Variants in ZNF609 observed in about 807,000 individuals in gnomAD.
ZNF609 encodes zinc finger protein 609.
A neutral mutation model predicts 109.5 loss-of-function variants in ZNF609; 11 were observed. The observed-to-expected ratio is 0.10, with a 90% CI of 0.06 to 0.17. The LOEUF (loss-of-function observed/expected upper bound fraction) is 0.17. Among genes scored for constraint, ZNF609 ranks in the 10% least tolerant of loss-of-function variants. ZNF609 has a pLI of 1.00. For missense variants in ZNF609, 1,559 were observed against 1,772.4 expected (o/e 0.88, Z 2.16); for synonymous variants, 646 against 662.0 (o/e 0.98, Z 0.37).
At position 64,683,219 on chromosome 15, in the gene ZNF609, A is replaced by G. The variant is rs2083221535; in HGVS notation, c.*1533A>G. ...CCCTCTGGATTGAGAGAGAGAGATA[A>G]AGACTGACAGACACCAGTGTAGGCT... On this transcript the variant is annotated 3_prime_UTR_variant, in exon 10 of 10. Coordinates refer to ENST00000326648, the MANE Select transcript of ZNF609 (RefSeq NM_015042.2). 6.6e-6 allele frequency: 1 copy of G among 152,598 alleles called. No homozygotes were observed. The highest frequency in any genetic ancestry group is 1.5e-5 in the Non-Finnish European group (1 of 68,042). 9.5% of individuals were successfully genotyped at this position (152,598 alleles called of 1,614,324 possible). A position where few individuals can be genotyped will look rare whatever the true frequency, so the allele number is the denominator to read the frequency against.
intron 3 of ZNF609, among the ~76,000 whole-genome samples, chr15:64,667,121 ACT>A (rs1181098280): frequency 6.6e-6 from 1 of 152,046 alleles, no homozygotes; most frequent in African/African-American, 2.4e-5. Context: ...ACAGAGCGAG[ACT>A]CTGTCTCAAA....
chr15:64,595,891 T>G (rs780335001), intron 2 of ZNF609, among the ~76,000 whole-genome samples: 3 of 152,198 alleles, frequency 2.0e-5, no homozygotes, highest in Non-Finnish European at 2.9e-5. Flanking sequence ...GTGACTGCTA[T>G]TGACAGAAAA....
chr15:64,573,419 A>G (rs1197208645), intron 2 of ZNF609, among the ~76,000 whole-genome samples: 1 of 129,458 alleles, frequency 7.7e-6, no homozygotes, highest in Non-Finnish European at 1.6e-5. Flanking sequence ...CAGTGGCGCA[A>G]TCTTGGCTCA....
chr15:64,588,442 A>AAAAAAAAAAAAAAAAAGAAG (rs71133451), intron 2 of ZNF609, among the ~76,000 whole-genome samples: 36 of 75,280 alleles, frequency 4.8e-4, no homozygotes, highest in African/African-American at 1.6e-3. Context: ...AAAAAAAAAA[A>AAAAAAAAAAAAAAAAAGAAG]AAGAAGAGGA....
At chr15:64,598,786 A>ATATATATC (rs1428755914) in intron 2 of ZNF609, among the ~76,000 whole-genome samples, 1 of 102,140 alleles carries the variant, frequency 9.8e-6, no homozygotes, top group Non-Finnish European at 2.0e-5. Context: ...ATATATATAT[A>ATATATATC]TCCTGTTATC....
intron 2 of ZNF609, among the ~76,000 whole-genome samples, chr15:64,547,118 G>T (rs1453505175): frequency 2.0e-5 from 3 of 147,316 alleles, no homozygotes; most frequent in African/African-American, 8.0e-5. Context: ...GATGCAAATG[G>T]TAATTTTTAA....
intron 4 of ZNF609, 114 bp from the exon 5 acceptor site, chr15:64,673,802 A>G (rs1485910406): frequency 8.3e-7 from 1 of 1,203,222 alleles, no homozygotes; most frequent in African/African-American, 1.5e-5. Context: ...TTAACAAATC[A>G]TATTCATTGA....
intron 3 of ZNF609, among the ~76,000 whole-genome samples, chr15:64,663,746 C>G (rs1372120326): frequency 6.6e-6 from 1 of 152,050 alleles, no homozygotes; most frequent in Non-Finnish European, 1.5e-5. Context: ...TACCAGATCC[C>G]TGAGAGAAAG....
rs144563910 is a variant in ZNF609, at chr15:64,578,612, G to A, written c.748-44215G>A. Among the ~76,000 whole-genome samples the A allele has an allele frequency of 2.3e-3, 348 of 152,278 alleles. 13 individuals carry two copies. In the East Asian group the frequency reaches 0.056, roughly 24 times the overall value. ...GGAGGCTGAGGCAGGAGAATAGCTTGAACCCGGGAGGTGGAGGTTGCAGTA... is the reference window on the plus strand; with the variant it reads ...GGAGGCTGAGGCAGGAGAATAGCTTAAACCCGGGAGGTGGAGGTTGCAGTA... On this transcript the variant is annotated intron_variant, in intron 2 of 9. Transcript: ENST00000326648.
intron 2 of ZNF609, among the ~76,000 whole-genome samples, chr15:64,592,410 C>G (rs1175054926): frequency 6.6e-6 from 1 of 152,094 alleles, no homozygotes; most frequent in African/African-American, 2.4e-5. Context: ...AACCCCATCT[C>G]TACTAAAAAT....
chr15:64,469,427 CAAAAAAAAAAAAAAA>C (rs34210041), intron 1 of ZNF609, among the ~76,000 whole-genome samples: 2 of 73,574 alleles, frequency 2.7e-5, no homozygotes, highest in Admixed American at 1.9e-4. Context: ...ACCCTATTTC[CAAAAAAAAAAAAAAA>C]AAAAAAAAAA....
chr15:64,511,051 C>T (rs486330), intron 2 of ZNF609, among the ~76,000 whole-genome samples: 110,594 of 148,830 alleles, frequency 0.74, 44,566 homozygotes, highest in East Asian at 0.96. Flanking sequence ...ACCTAACTCA[C>T]CCAGCTCAGA....
intron 1 of ZNF609, among the ~76,000 whole-genome samples, chr15:64,475,341 A>T: frequency 7.0e-6 from 1 of 143,406 alleles, no homozygotes; most frequent in Non-Finnish European, 1.5e-5. Flanking sequence ...CCTCCTCTTT[A>T]TCTCTAACTT....
intron 3 of ZNF609, among the ~76,000 whole-genome samples, chr15:64,639,859 G>C (rs575223448): frequency 1.3e-5 from 2 of 152,142 alleles, no homozygotes; most frequent in Non-Finnish European, 2.9e-5. Flanking sequence ...AAGTCAGTCT[G>C]AGCAGATCAT....
At chr15:64,562,939 A>G (rs1039587894) in intron 2 of ZNF609, among the ~76,000 whole-genome samples, 9 of 151,388 alleles carry the variant, frequency 5.9e-5, no homozygotes, top group African/African-American at 1.7e-4. Flanking sequence ...ACATATGTCA[A>G]CTAAGAGGTG....
chr15:64,557,789 C>A (rs1894614018), intron 2 of ZNF609, among the ~76,000 whole-genome samples: 1 of 152,112 alleles, frequency 6.6e-6, no homozygotes, highest in African/African-American at 2.4e-5. Flanking sequence ...CTGCGCCTCC[C>A]AGGTTCACGC....
intron 3 of ZNF609, among the ~76,000 whole-genome samples, chr15:64,659,835 C>CTT (rs755818323): frequency 8.7e-5 from 12 of 137,232 alleles, no homozygotes; most frequent in Admixed American, 5.2e-4. Flanking sequence ...TTCTTTCTTT[C>CTT]TTTTTTTTTT....
At position 64,645,105 on chromosome 15, in the gene ZNF609, C is replaced by CCCTTCCTT. The variant is rs71133464; in HGVS notation, c.973+22073_973+22080dup. 9.3e-3 allele frequency among the ~76,000 whole-genome samples: 840 copies of CCCTTCCTT among 90,682 alleles called. 8 individuals are homozygous for CCCTTCCTT. Among genetic ancestry groups the CCCTTCCTT allele is most frequent in the East Asian group, 0.018 (59 of 3,196 alleles). The allele number at this position is 90,682 out of a possible 152,430, so 59.5% of individuals were successfully genotyped here. On this transcript the variant is annotated intron_variant, in intron 3 of 9. Coordinates refer to ENST00000326648, the MANE Select transcript of ZNF609 (RefSeq NM_015042.2). ...TCTTTCCCTCCCTCCCTCCCTCCCT[C>CCCTTCCTT]CCTTCCTTCCTTCCTTCCTTCCTTC...
chr15:64,519,375 A>G (rs904325400), intron 2 of ZNF609, among the ~76,000 whole-genome samples: 1 of 152,176 alleles, frequency 6.6e-6, no homozygotes, highest in African/African-American at 2.4e-5. Flanking sequence ...ATGTGTCTGT[A>G]TTGAATGAAA....
Sources: allele counts gnomAD v4.1 joint callset (sites outside exome capture counted in the v4.1 genomes callset), GRCh38; gene constraint gnomAD v4.1.1; transcripts MANE v1.5; gene names NCBI Gene and HGNC (gene_info 2026-07-23, HGNC 2026-07-21).